The following RGS10 variants were observed in gnomAD, a reference collection of about 807,000 sequenced individuals.
RGS10 encodes regulator of G-protein signalling 10.
Under a neutral mutation model 23.5 loss-of-function variants are expected in RGS10, and 11 were observed. That is an observed-to-expected ratio of 0.47 (90% CI 0.29 to 0.77). RGS10 has a LOEUF of 0.77. RGS10 is among the 30% of genes least tolerant of loss of function. The pLI, the probability that RGS10 is intolerant of heterozygous loss-of-function variation, is 0.08. For synonymous variants in RGS10, 77 were observed against 83.2 expected, an observed-to-expected ratio of 0.92 and a Z score of 0.41; for missense variants, 180 against 226.3, an observed-to-expected ratio of 0.80 and a Z score of 1.31.
intron 4 of RGS10, among the ~76,000 whole-genome samples, chr10:119,514,922 C>T (rs115658966): frequency 0.012 from 1,854 of 152,248 alleles, 38 homozygotes; most frequent in African/African-American, 0.042. Context: ...TGCGTCCTTC[C>T]GACTGGCTCA....
chr10:119,508,271 A>T (rs1226230973), intron 4 of RGS10, among the ~76,000 whole-genome samples: 1 of 152,154 alleles, frequency 6.6e-6, no homozygotes, highest in Non-Finnish European at 1.5e-5. Flanking sequence ...AAGTGCTGGG[A>T]TTATAGGCAT....
intron 1 of RGS10, among the ~76,000 whole-genome samples, chr10:119,528,715 T>C (rs1374233454): frequency 6.6e-6 from 1 of 151,970 alleles, no homozygotes; most frequent in Non-Finnish European, 1.5e-5. Flanking sequence ...GCACCTGTAA[T>C]CCCAGCTCCT....
chr10:119,523,028 T>C (rs1396023133), intron 3 of RGS10, among the ~76,000 whole-genome samples: 2 of 151,558 alleles, frequency 1.3e-5, no homozygotes, highest in Non-Finnish European at 2.9e-5. Flanking sequence ...TTTTTTGGTA[T>C]TTTTTGTAGA....
chr10:119,526,982 G>A (rs1231764088), intron 2 of RGS10, among the ~76,000 whole-genome samples: 6 of 151,976 alleles, frequency 3.9e-5, no homozygotes, highest in Non-Finnish European at 7.4e-5. Context: ...AAGCCTTCAC[G>A]TCAGAGAGAC....
intron 4 of RGS10, among the ~76,000 whole-genome samples, chr10:119,504,616 T>C (rs192510834): frequency 3.1e-4 from 47 of 152,190 alleles, no homozygotes; most frequent in Admixed American, 1.3e-3. Context: ...GAAAAGAGGG[T>C]TGCATAAGGG....
At chr10:119,540,559 G>A (rs886394380) in intron 1 of RGS10, among the ~76,000 whole-genome samples, 1 of 152,156 alleles carries the variant, frequency 6.6e-6, no homozygotes, top group Non-Finnish European at 1.5e-5. Context: ...GCCTGAGACC[G>A]ACCTTTCTGT....
intron 4 of RGS10, among the ~76,000 whole-genome samples, chr10:119,509,753 T>A (rs1027237106): frequency 5.3e-5 from 8 of 152,276 alleles, no homozygotes; most frequent in Admixed American, 2.0e-4. Context: ...GCAGAGTATT[T>A]GCCCAAAGCC....
At chr10:119,528,355 A>C (rs1844300010) in intron 1 of RGS10, among the ~76,000 whole-genome samples, 1 of 152,172 alleles carries the variant, frequency 6.6e-6, no homozygotes, top group Admixed American at 6.5e-5. Flanking sequence ...TTTTCAAAAA[A>C]TCAAAATTTA....
chr10:119,534,253 C>A (rs1231600737), intron 1 of RGS10, among the ~76,000 whole-genome samples: 1 of 130,354 alleles, frequency 7.7e-6, no homozygotes, highest in African/African-American at 3.0e-5. Context: ...AAGAACCTGT[C>A]TTAAAATAAA....
At chr10:119,539,202 G>A (rs912764177) in intron 1 of RGS10, among the ~76,000 whole-genome samples, 2 of 152,230 alleles carry the variant, frequency 1.3e-5, no homozygotes, top group Admixed American at 6.5e-5. Flanking sequence ...GTGATATTCT[G>A]CAGAGAAAGT....
chr10:119,542,658 GGAA>G lies in RGS10; in HGVS notation c.-23_-21del. ...GAACATCGCCGCGGGCGCCCGAGGA[GGAA>G]GAAGGAGCAGCCCGGCGGCGCGGCG... On this transcript the variant is annotated 5_prime_UTR_variant, in exon 1 of 5. Coordinates refer to ENST00000369103, the MANE Select transcript of RGS10 (RefSeq NM_001005339.2). 7.3e-7 allele frequency: 1 copy of G among 1,376,700 alleles called. No individual in the cohort carries two copies. The highest frequency in any genetic ancestry group is 1.5e-5 in the African/African-American group (1 of 66,168). 85.3% of individuals were successfully genotyped at this position (1,376,700 alleles called of 1,614,324 possible). A position where few individuals can be genotyped will look rare whatever the true frequency, so the allele number is the denominator to read the frequency against.
chr10:119,526,119 C>T lies in RGS10; in HGVS notation c.169-1G>A. 1 of 1,480,650 alleles carries T rather than the reference C, an allele frequency of 6.8e-7. No homozygotes were observed. The highest frequency in any genetic ancestry group is 9.3e-7 in the Non-Finnish European group (1 of 1,078,722). 91.7% of individuals were successfully genotyped at this position (1,480,650 alleles called of 1,614,324 possible). On this transcript the variant is annotated splice_acceptor_variant, in intron 2 of 4. Transcript: ENST00000369103. LOFTEE classifies it high-confidence loss of function. ...CACTGAATTCCTTTTTTAAAAATTC[C>T]TGTGGATACAAAGAAAAAGAGTCAC... is the stretch of plus-strand genomic sequence containing the variant.
At chr10:119,503,795 G>A (rs928475265) in intron 4 of RGS10, among the ~76,000 whole-genome samples, 1 of 152,176 alleles carries the variant, frequency 6.6e-6, no homozygotes, top group Non-Finnish European at 1.5e-5. Context: ...CGGTGCACGT[G>A]TGTCCTTACC....
intron 4 of RGS10, among the ~76,000 whole-genome samples, chr10:119,501,509 G>A (rs745643051): frequency 2.0e-5 from 3 of 152,108 alleles, no homozygotes; most frequent in Admixed American, 1.3e-4. Context: ...GATCACTTGA[G>A]GTCAGGAGTT....
At chr10:119,536,596 GC>G (rs1477414445) in intron 1 of RGS10, 6 of 1,201,134 alleles carry the variant, frequency 5.0e-6, no homozygotes, top group Non-Finnish European at 7.0e-6. Context: ...GAAAAAACAA[GC>G]CTCAACATCC....
rs947639542 is a variant in RGS10, at chr10:119,515,760, A to C, written c.256-108T>G. The stretch of plus-strand genomic sequence containing the variant: ...CACAGGAGCTGCTGTGGCAAGAGAA[A>C]GGCACCCCCCACAGCCCAGGGGCTC... On this transcript the variant is annotated intron_variant, in intron 3 of 4. Transcript: ENST00000369103. 13 of 1,372,482 alleles carry C rather than the reference A, an allele frequency of 9.5e-6. No individual in the cohort carries two copies. The African/African-American group carries it at 1.9e-4, about 20-fold the overall frequency. 85.0% of individuals were successfully genotyped at this position (1,372,482 alleles called of 1,614,324 possible).
At chr10:119,504,691 A>C (rs987459748) in intron 4 of RGS10, among the ~76,000 whole-genome samples, 6 of 152,176 alleles carry the variant, frequency 3.9e-5, no homozygotes, top group African/African-American at 1.4e-4. Context: ...TGTCCTTATC[A>C]GAAGAGGAGG....
In RGS10 at chr10:119,527,812, A is replaced by G. The variant is rs763615423; in HGVS notation, c.50-388T>C. On this transcript the variant is annotated intron_variant, in intron 1 of 4. Coordinates refer to ENST00000369103, the MANE Select transcript of RGS10 (RefSeq NM_001005339.2). The surrounding 1 kb of genome is among the most constrained non-coding windows in gnomAD (Gnocchi z 4.2). The stretch of plus-strand genomic sequence containing the variant: ...CCCATGGCGCTTTGTGCACAGACTT[A>G]GAATTATGGTGCTGTGTTGTGACTA... Among the ~76,000 whole-genome samples, 2 of 152,292 alleles carry G rather than the reference A, an allele frequency of 1.3e-5. No homozygotes were observed. The highest frequency in any genetic ancestry group is 3.4e-3 in the Middle Eastern group (1 of 294).
chr10:119,525,626 G>A (rs752287732), intron 3 of RGS10, among the ~76,000 whole-genome samples: 4 of 152,176 alleles, frequency 2.6e-5, no homozygotes, highest in Admixed American at 6.5e-5. Flanking sequence ...CGCTCAGTAC[G>A]ATACACTGAA....
Sources: gnomAD v4.1 joint callset for allele counts (sites outside exome capture counted in the v4.1 genomes callset) on GRCh38, gnomAD v4.1.1 for gene constraint, Gnocchi (gnomAD v3.1) non-coding constraint, MANE v1.5 for transcripts, NCBI Gene and HGNC (gene_info 2026-07-23, HGNC 2026-07-21) for gene names.